EVI5: variants seen among roughly 807,000 people sequenced by gnomAD.
The protein encoded by EVI5 is ecotropic viral integration site 5 protein homolog.
EVI5 carries 73 observed loss-of-function variants against 112.0 expected under a neutral mutation model. That is an observed-to-expected ratio of 0.65 (90% CI 0.54 to 0.79). The LOEUF is 0.79. Ranked by LOEUF, EVI5 falls within the 30% of genes least tolerant of loss-of-function variation. EVI5 has a pLI of 0.00. For missense variants in EVI5, 900 were observed against 968.8 expected, an observed-to-expected ratio of 0.93 and a Z score of 0.94; for synonymous variants, 305 against 319.9, an observed-to-expected ratio of 0.95 and a Z score of 0.50.
At chr1:92,748,201 A>G (rs1679606841) in intron 1 of EVI5, among the ~76,000 whole-genome samples, 1 of 152,160 alleles carries the variant, frequency 6.6e-6, no homozygotes, top group Admixed American at 6.5e-5. Context: ...GTGGGTACCA[A>G]AAGTTATTAC....
intron 1 of EVI5, chr1:92,756,754 A>G: frequency 2.0e-6 from 1 of 500,422 alleles, no homozygotes; most frequent in South Asian, 1.5e-5. Context: ...GGTATCTACT[A>G]TGCACGCCTC....
At chr1:92,743,428 C>G (rs1045297775) in intron 1 of EVI5, among the ~76,000 whole-genome samples, 1 of 151,842 alleles carries the variant, frequency 6.6e-6, no homozygotes, top group Non-Finnish European at 1.5e-5. Flanking sequence ...GTGAAAAAAG[C>G]CAGCCATAAA....
rs193022593 is a variant in EVI5, at chr1:92,758,692, T to C, written c.-81-22065A>G. 3.9e-3 allele frequency among the ~76,000 whole-genome samples: 586 copies of C among 151,856 alleles called. 1 individual carries two copies. The highest frequency in any genetic ancestry group is 5.9e-3 in the Non-Finnish European group (398 of 67,970). On this transcript the variant is annotated intron_variant, in intron 1 of 19. Transcript: ENST00000684568. ...ATATATTCAAATTAGATCAAAGATA[T>C]AGGCAGAGACATGAAGAAAATACAT... is the stretch of plus-strand genomic sequence containing the variant.
Position 92,702,207 on chromosome 1 carries a change from A to G in EVI5, c.573T>C (p.Ser191=). Residue 191 remains serine (S), a synonymous_variant, in exon 5 of 20, where the codon TCT becomes TCC. Transcript: ENST00000684568. ...AGTAACCAACCTCACGATCTACTAA[A>G]GAGTAAGCCTAAAAAGTAAAAAAAA... The part of the protein sequence containing the change: ...EVLFNVMKAY[S]LVDREVGYCQ... 1 of 1,511,612 alleles carries G rather than the reference A, an allele frequency of 6.6e-7. No individual in the cohort carries two copies. The highest frequency in any genetic ancestry group is 8.8e-7 in the Non-Finnish European group (1 of 1,134,014). The allele number at this position is 1,511,612 out of a possible 1,614,324, so 93.6% of individuals were successfully genotyped here.
chr1:92,776,122 A>T (rs969921929), intron 1 of EVI5, among the ~76,000 whole-genome samples: 13 of 152,090 alleles, frequency 8.5e-5, no homozygotes, highest in South Asian at 2.1e-4. Context: ...AAAAAAAAAA[A>T]AAATTAATTT....
chr1:92,577,261 A>T (rs2101047591), intron 18 of EVI5, among the ~76,000 whole-genome samples: 1 of 152,302 alleles, frequency 6.6e-6, no homozygotes, highest in Admixed American at 6.5e-5. Flanking sequence ...AGGCTTGCTC[A>T]TCTTCCCCAG....
chr1:92,712,138 A>G (rs1419340999), intron 2 of EVI5, among the ~76,000 whole-genome samples: 1 of 152,186 alleles, frequency 6.6e-6, no homozygotes, highest in African/African-American at 2.4e-5. Flanking sequence ...GACCATAGCA[A>G]AACTACATGC....
At chr1:92,690,012 T>C (rs1420946382) in intron 9 of EVI5, among the ~76,000 whole-genome samples, 4 of 152,012 alleles carry the variant, frequency 2.6e-5, no homozygotes. Context: ...CCTCAGCCTA[T>C]GGAAAAGCCA....
chr1:92,541,439 C>A (rs1438411670), intron 19 of EVI5, among the ~76,000 whole-genome samples: 1 of 152,034 alleles, frequency 6.6e-6, no homozygotes, highest in Non-Finnish European at 1.5e-5. Context: ...TAATGAGATA[C>A]TACTTAATCG....
chr1:92,576,229 ATATG>A (rs150995828), intron 18 of EVI5, among the ~76,000 whole-genome samples: 3,326 of 145,672 alleles, frequency 0.023, 137 homozygotes, highest in African/African-American at 0.088. Context: ...TGTCCTACAC[ATATG>A]TATGTCATGT....
In EVI5 at chr1:92,510,986, A is replaced by G. The variant is rs1264350264; in HGVS notation, c.*2670T>C. 6.6e-6 allele frequency: 1 copy of G among 152,216 alleles called. No individual in the cohort carries two copies. The highest frequency in any genetic ancestry group is 1.9e-4 in the East Asian group (1 of 5,202). 9.4% of individuals were successfully genotyped at this position (152,216 alleles called of 1,614,324 possible). A position where few individuals can be genotyped will look rare whatever the true frequency, so the allele number is the denominator to read the frequency against. ...GACATTGATAGCTTTCTGGGCTGAT[A>G]GTATAGAACTCCGAACAAAAATCCC... On this transcript the variant is annotated 3_prime_UTR_variant, in exon 20 of 20. Transcript: ENST00000684568.
At chr1:92,683,122 C>T (rs1667885882) in intron 9 of EVI5, among the ~76,000 whole-genome samples, 1 of 152,180 alleles carries the variant, frequency 6.6e-6, no homozygotes, top group South Asian at 2.1e-4. Context: ...GTTGCCTTCA[C>T]TTTTCAATTC....
rs769801753 is a variant in EVI5 at position 92,725,249 on chromosome 1, CA to C, written c.149+11148del. On this transcript the variant is annotated intron_variant, in intron 2 of 19. Transcript: ENST00000684568. ...TAGATGTAACCATGGCTAACATTCA[CA>C]CATGGTAGAAAATTATACCTATCCT... is the stretch of plus-strand genomic sequence containing the variant. 2.6e-5 allele frequency among the ~76,000 whole-genome samples: 4 copies of C among 152,140 alleles called. 1 individual carries two copies. Among genetic ancestry groups the C allele is most frequent in the Non-Finnish European group, 4.4e-5 (3 of 68,028 alleles).
chr1:92,755,825 G>T, intron 1 of EVI5: 1 of 157,218 alleles, frequency 6.4e-6, no homozygotes, highest in African/African-American at 2.4e-5. Flanking sequence ...AGCTGGAGAA[G>T]CAGTGATGGC....
At chr1:92,728,554 ATTG>A (rs1259355025) in intron 2 of EVI5, among the ~76,000 whole-genome samples, 1 of 152,026 alleles carries the variant, frequency 6.6e-6, no homozygotes, top group Non-Finnish European at 1.5e-5. Context: ...TGCCCAGCTA[ATTG>A]TTGTATTTTT....
chr1:92,553,998 T>C (rs1389081942), intron 19 of EVI5, among the ~76,000 whole-genome samples: 1 of 152,206 alleles, frequency 6.6e-6, no homozygotes, highest in African/African-American at 2.4e-5. Flanking sequence ...TCAAGTTCTG[T>C]GTTTCTCAAA....
intron 14 of EVI5, among the ~76,000 whole-genome samples, chr1:92,633,504 T>C (rs71238889): frequency 4.6e-5 from 7 of 152,184 alleles, no homozygotes; most frequent in African/African-American, 1.7e-4. Context: ...CCCCTGCCTT[T>C]TTTTGTTTTC....
At chr1:92,677,499 G>T (rs537280460) in intron 9 of EVI5, among the ~76,000 whole-genome samples, 3 of 152,092 alleles carry the variant, frequency 2.0e-5, no homozygotes, top group Non-Finnish European at 2.9e-5. Flanking sequence ...ATTCTTTTCA[G>T]CCCTAAACTT....
At chr1:92,774,709 G>C (rs933090673) in intron 1 of EVI5, among the ~76,000 whole-genome samples, 23 of 152,050 alleles carry the variant, frequency 1.5e-4, no homozygotes, top group Admixed American at 1.4e-3. Flanking sequence ...CTAACTTTAG[G>C]GAACACTTTT....
Sources: gnomAD v4.1 joint callset for allele counts (sites outside exome capture counted in the v4.1 genomes callset) on GRCh38, gnomAD v4.1.1 for gene constraint, MANE v1.5 for transcripts, NCBI Gene and HGNC (gene_info 2026-07-23, HGNC 2026-07-21) for gene names.